FXYD5: variants seen among roughly 807,000 people sequenced by gnomAD.
FXYD5 encodes the protein FXYD domain-containing ion transport regulator 5.
Under a neutral mutation model 25.7 loss-of-function variants are expected in FXYD5, and 21 were observed. The observed-to-expected ratio is 0.82, with a 90% confidence interval of 0.58 to 1.18. The LOEUF is 1.18. FXYD5 is among the 50% of genes most tolerant of loss of function. The probability of loss-of-function intolerance (pLI) is 0.00; values close to 1 mark genes in which losing one functional copy is unlikely to be tolerated. For synonymous variants in FXYD5, 101 were observed against 90.7 expected, an observed-to-expected ratio of 1.11 and a Z score of -0.64; for missense variants, 229 against 227.7, an observed-to-expected ratio of 1.01 and a Z score of -0.04.
intron 6 of FXYD5, 29 bp from the exon 7 acceptor site, chr19:35,166,113 C>T (rs1209373797): frequency 1.2e-6 from 2 of 1,612,350 alleles, no homozygotes; most frequent in Non-Finnish European, 1.7e-6. Flanking sequence ...TTTGCTGAAC[C>T]CTGACTTGCT....
At chr19:35,158,876 C>T (rs564691695) in intron 4 of FXYD5, among the ~76,000 whole-genome samples, 142 of 152,046 alleles carry the variant, frequency 9.3e-4, no homozygotes, top group Non-Finnish European at 1.9e-3. Flanking sequence ...CCTATAATCC[C>T]AGCACTTTGA....
intron 6 of FXYD5, 109 bp downstream of exon 6, chr19:35,164,354 G>A: frequency 1.8e-6 from 2 of 1,138,832 alleles, no homozygotes; most frequent in Non-Finnish European, 2.5e-6. Context: ...AAGACGTGAT[G>A]GGAAAGTAAA....
intron 4 of FXYD5, among the ~76,000 whole-genome samples, chr19:35,159,224 G>A (rs1387929769): frequency 6.6e-6 from 1 of 151,920 alleles, no homozygotes; most frequent in Non-Finnish European, 1.5e-5. Context: ...AATGATTGTA[G>A]GCAAAACTAA....
At chr19:35,165,704 C>A (rs1351109402) in intron 6 of FXYD5, among the ~76,000 whole-genome samples, 1 of 152,048 alleles carries the variant, frequency 6.6e-6, no homozygotes, top group East Asian at 1.9e-4. Flanking sequence ...GTTCAAACAC[C>A]CCTGACATGA....
In FXYD5 at chr19:35,169,782, C is replaced by A. The variant is rs1171498275; in HGVS notation, c.*167C>A. ...CTGCCGGTCCGAGTCTCCTACCTCCCCCAACCCTGCCCGCCCCTGAAGGCT... is the reference window on the plus strand; with the variant it reads ...CTGCCGGTCCGAGTCTCCTACCTCCACCAACCCTGCCCGCCCCTGAAGGCT... On this transcript the variant is annotated 3_prime_UTR_variant, in exon 9 of 9. Coordinates refer to ENST00000392219, the MANE Select transcript of FXYD5 (RefSeq NM_014164.6). 6 of 614,592 alleles carry A rather than the reference C, an allele frequency of 9.8e-6. No individual in the cohort carries two copies. Among genetic ancestry groups the A allele is most frequent in the Non-Finnish European group, 1.7e-5 (6 of 343,252 alleles). The allele number at this position is 614,592 out of a possible 1,614,324, so 38.1% of individuals were successfully genotyped here. A position where few individuals can be genotyped will look rare whatever the true frequency, so the allele number is the denominator to read the frequency against.
At chr19:35,156,265 G>A (rs2065354803) in intron 2 of FXYD5, among the ~76,000 whole-genome samples, 1 of 152,120 alleles carries the variant, frequency 6.6e-6, no homozygotes, top group Non-Finnish European at 1.5e-5. Flanking sequence ...CAGAACCCAG[G>A]GTGCATGCCC....
At chr19:35,158,223 C>T (rs867070193) in intron 3 of FXYD5, 121 bp from the exon 4 acceptor site, 35 of 715,556 alleles carry the variant, frequency 4.9e-5, no homozygotes, top group Non-Finnish European at 8.5e-5. Flanking sequence ...ATTAATTAAG[C>T]CATTTCTATT....
intron 8 of FXYD5, among the ~76,000 whole-genome samples, chr19:35,169,070 A>AAT (rs1483359544): frequency 2.6e-5 from 4 of 151,676 alleles, no homozygotes; most frequent in Non-Finnish European, 5.9e-5. Context: ...CTCAAAAAAA[A>AAT]AAAAAAAAAG....
At chr19:35,163,527 A>G (rs1023212980) in intron 5 of FXYD5, among the ~76,000 whole-genome samples, 1 of 151,460 alleles carries the variant, frequency 6.6e-6, no homozygotes, top group African/African-American at 2.4e-5. Context: ...TGTTGCCCAG[A>G]CTGGAGTGCA....
Position 35,158,399 on chromosome 19 carries a change from T to A in FXYD5, c.198T>A (p.Asp66Glu). Residue 66 changes from aspartate to glutamate, a missense_variant and splice_region_variant, in exon 4 of 9, where the codon GAT (aspartate) becomes GAA (glutamate). Physicochemically the swap from Asp to Glu is conservative, Grantham distance 45 (BLOSUM62 2). Transcript: ENST00000392219. ...CTCCAACCCCAACCTGGCCTGCTGA[T>A]GGTGAGTAGTGCAGGGGCAGGCGGC... ...PTSPTPTWPA[D>E]ETPQPQTQTQ... The A allele has an allele frequency of 6.3e-7, 1 of 1,580,976 alleles. No homozygotes were observed. The highest frequency in any genetic ancestry group is 8.7e-7 in the Non-Finnish European group (1 of 1,150,106).
At chr19:35,158,129 G>A (rs1192453033) in intron 3 of FXYD5, among the ~76,000 whole-genome samples, 2 of 152,216 alleles carry the variant, frequency 1.3e-5, no homozygotes, top group Non-Finnish European at 2.9e-5. Flanking sequence ...CGAAGAAGGA[G>A]CTGTAGTGTG....
chr19:35,160,811 G>C lies in FXYD5; in HGVS notation c.292+10G>C. 6.4e-7 allele frequency: 1 copy of C among 1,553,020 alleles called. No homozygotes were observed. Among genetic ancestry groups the C allele is most frequent in the Non-Finnish European group, 8.9e-7 (1 of 1,124,274 alleles). ...AAGAGCACCAAAGCAGGTATAGCAT[G>C]GGACTGAGAGCAGCAGCCTACGATT... On this transcript the variant is annotated intron_variant, in intron 5 of 8. Coordinates refer to ENST00000392219, the MANE Select transcript of FXYD5 (RefSeq NM_014164.6).
rs1044588558 is a variant in FXYD5 at position 35,169,798 on chromosome 19, C to G, written c.*183C>G. 5.0e-6 allele frequency: 3 copies of G among 597,774 alleles called. No individual in the cohort carries two copies. In the African/African-American group the frequency reaches 5.6e-5, roughly 11 times the overall value. 37.0% of individuals were successfully genotyped at this position (597,774 alleles called of 1,614,324 possible). ...CCTACCTCCCCCAACCCTGCCCGCC[C>G]CTGAAGGCTACCTGGCGCCTTGGGG... On this transcript the variant is annotated 3_prime_UTR_variant, in exon 9 of 9. Transcript: ENST00000392219.
intron 8 of FXYD5, 109 bp downstream of exon 8, chr19:35,166,434 T>C: frequency 1.4e-6 from 1 of 693,134 alleles, no homozygotes; most frequent in Admixed American, 2.4e-5. Context: ...ATGAGGTATC[T>C]ATTAGCTGCA....
intron 5 of FXYD5, among the ~76,000 whole-genome samples, chr19:35,161,578 C>A (rs1420258106): frequency 6.6e-6 from 1 of 152,202 alleles, no homozygotes; most frequent in Non-Finnish European, 1.5e-5. Flanking sequence ...ATTGGTCAGG[C>A]CTGAGTCTTG....
Position 35,160,635 on chromosome 19 carries a change from C to G in FXYD5, c.200-74C>G. ...TGCTGGGAATACAGACATAAGCCAC[C>G]GCGCCCGGCCCCAATTCTCTTTCCC... On this transcript the variant is annotated intron_variant, in intron 4 of 8. Coordinates refer to ENST00000392219, the MANE Select transcript of FXYD5 (RefSeq NM_014164.6). 2 of 1,026,502 alleles carry G rather than the reference C, an allele frequency of 1.9e-6. 1 individual carries two copies. The highest frequency in any genetic ancestry group is 3.1e-6 in the Non-Finnish European group (2 of 647,884). The allele number at this position is 1,026,502 out of a possible 1,614,324, so 63.6% of individuals were successfully genotyped here.
chr19:35,155,582 C>T lies in FXYD5; in HGVS notation c.32C>T (p.Thr11Ile), dbSNP rs547648030. 6.2e-7 allele frequency: 1 copy of T among 1,610,710 alleles called. No individual in the cohort carries two copies. Residue 11 changes from threonine (T) to isoleucine (I), a missense_variant, in exon 2 of 9, where the codon ACC (threonine) becomes ATC (isoleucine). Transcript: ENST00000392219. MSPSGRLCLL[T>I]IVGLILPTRG... ...CCCTCTGGTCGCCTGTGTCTTCTCA[C>T]CATCGTTGGCCTGATTCTCCCCACC... is the stretch of plus-strand genomic sequence containing the variant.
rs748426841 is a variant in FXYD5 at position 35,164,019 on chromosome 19, G to T, written c.293-137G>T. The T allele has an allele frequency of 7.8e-6, 12 of 1,532,594 alleles. No homozygotes were observed. In the African/African-American group the frequency reaches 8.3e-5, roughly 11 times the overall value. The allele number at this position is 1,532,594 out of a possible 1,614,324, so 94.9% of individuals were successfully genotyped here. A position where few individuals can be genotyped will look rare whatever the true frequency, so the allele number is the denominator to read the frequency against. ...CTTATTGCCTCTAGGTGTGGAGTAG[G>T]GGGGATGCCTGACCCTGCACACCAG... On this transcript the variant is annotated intron_variant, in intron 5 of 8. Coordinates refer to ENST00000392219, the MANE Select transcript of FXYD5 (RefSeq NM_014164.6).
intron 5 of FXYD5, among the ~76,000 whole-genome samples, chr19:35,161,221 A>AACACACAAACACACACACACAC (rs2065402020): frequency 5.2e-5 from 2 of 38,202 alleles, no homozygotes; most frequent in Non-Finnish European, 1.1e-4. Context: ...ATTCACCTTA[A>AACACACAAACACACACACACAC]ACACACACAC....
Sources: allele counts gnomAD v4.1 joint callset (sites outside exome capture counted in the v4.1 genomes callset), GRCh38; gene constraint gnomAD v4.1.1; transcripts MANE v1.5; gene names NCBI Gene and HGNC (gene_info 2026-07-23, HGNC 2026-07-21).